TTC7A: variants seen among roughly 807,000 people sequenced by gnomAD.
The protein encoded by TTC7A is tetratricopeptide repeat protein 7A.
In TTC7A, 110 loss-of-function variants were observed where a neutral mutation model predicts 103.7. The observed-to-expected ratio is 1.06, with a 90% CI of 0.91 to 1.24. The LOEUF (loss-of-function observed/expected upper bound fraction) is 1.24, where lower values mean the gene tolerates loss of function less well. Ranked by LOEUF, TTC7A falls within the 50% of genes most tolerant of loss-of-function variation. The probability of loss-of-function intolerance (pLI) is 0.00; values close to 1 mark genes in which losing one functional copy is unlikely to be tolerated. For synonymous variants in TTC7A, 521 were observed against 467.9 expected, an observed-to-expected ratio of 1.11 and a Z score of -1.47; for missense variants, 1,340 against 1,116.3, an observed-to-expected ratio of 1.20 and a Z score of -2.86.
chr2:47,042,356 C>G (rs1473533666), intron 15 of TTC7A, among the ~76,000 whole-genome samples: 1 of 151,992 alleles, frequency 6.6e-6, no homozygotes, highest in African/African-American at 2.4e-5. Flanking sequence ...AAAAAACTAG[C>G]TGGGTGTGGT....
chr2:47,011,442 G>C lies in TTC7A; in HGVS notation c.1392+7G>C, dbSNP rs763784824. On this transcript the variant is annotated splice_region_variant and intron_variant, in intron 11 of 19. Coordinates refer to ENST00000319190, the MANE Select transcript of TTC7A (RefSeq NM_020458.4). ...CATCGGGTCCCTTCGCTGGGTGAGT[G>C]AGCTGTGAGGGCAGGTCCCAGAGGC... The C allele has an allele frequency of 6.2e-7, 1 of 1,600,812 alleles. No homozygotes were observed. The highest frequency in any genetic ancestry group is 1.7e-5 in the Admixed American group (1 of 59,662).
intron 6 of TTC7A, 51 bp downstream of exon 6, chr2:46,993,579 G>A: frequency 6.4e-7 from 1 of 1,566,490 alleles, no homozygotes. Flanking sequence ...AGCTTTGGTG[G>A]GAGACAACAG....
At chr2:47,038,219 A>G (rs1406801852) in intron 15 of TTC7A, among the ~76,000 whole-genome samples, 5 of 151,508 alleles carry the variant, frequency 3.3e-5, no homozygotes, top group South Asian at 4.2e-4. Context: ...AGATCACGCC[A>G]CTGCACTCCA....
At chr2:46,954,653 C>T (rs901546995) in intron 2 of TTC7A, among the ~76,000 whole-genome samples, 3 of 149,442 alleles carry the variant, frequency 2.0e-5, no homozygotes, top group Non-Finnish European at 4.4e-5. Flanking sequence ...CTCACTGCAA[C>T]CTCCGCCTCC....
At chr2:47,023,530 C>T (rs1572940718) in intron 13 of TTC7A, 65 bp downstream of exon 13, 17 of 1,508,082 alleles carry the variant, frequency 1.1e-5, no homozygotes, top group East Asian at 4.5e-5. Flanking sequence ...ACAAGCTTTA[C>T]GTCATCAGAC....
intron 18 of TTC7A, among the ~76,000 whole-genome samples, chr2:47,058,606 A>G (rs140124305): frequency 4.5e-4 from 68 of 152,350 alleles, no homozygotes; most frequent in African/African-American, 1.4e-3. Context: ...CAAAACCACA[A>G]GTCAGACTCT....
At chr2:47,037,140 C>G (rs763334007) in intron 15 of TTC7A, among the ~76,000 whole-genome samples, 1 of 152,196 alleles carries the variant, frequency 6.6e-6, no homozygotes, top group Admixed American at 6.5e-5. Context: ...ACTTTGTCCC[C>G]GGAGCCCCTG....
At chr2:47,011,736 A>G (rs1050674336) in intron 11 of TTC7A, among the ~76,000 whole-genome samples, 3 of 152,230 alleles carry the variant, frequency 2.0e-5, no homozygotes, top group Non-Finnish European at 4.4e-5. Flanking sequence ...AGTAGTAGGT[A>G]AGACCTTGAG....
chr2:47,072,943 C>CTCTA (rs1372921465), intron 19 of TTC7A, among the ~76,000 whole-genome samples: 1 of 152,174 alleles, frequency 6.6e-6, no homozygotes, highest in South Asian at 2.1e-4. Flanking sequence ...CTGTTAGTTC[C>CTCTA]TCTATCTCTT....
At position 47,075,009 on chromosome 2, in the gene TTC7A, T is replaced by A. The variant is rs1050232044; in HGVS notation, c.*1086T>A. ...AGGGGATCCTTTTGTATCTGCACTT[T>A]GGGTTTTAGTTTCAAAGCTCCATCA... On this transcript the variant is annotated 3_prime_UTR_variant, in exon 20 of 20. Transcript: ENST00000319190. 6.6e-6 allele frequency: 1 copy of A among 152,248 alleles called. No homozygotes were observed. Among genetic ancestry groups the A allele is most frequent in the East Asian group, 1.9e-4 (1 of 5,200 alleles). 9.4% of individuals were successfully genotyped at this position (152,248 alleles called of 1,614,324 possible). A position where few individuals can be genotyped will look rare whatever the true frequency, so the allele number is the denominator to read the frequency against.
At chr2:46,921,350 A>G (rs1047303443) in intron 2 of TTC7A, among the ~76,000 whole-genome samples, 3 of 152,234 alleles carry the variant, frequency 2.0e-5, no homozygotes, top group Non-Finnish European at 4.4e-5. Flanking sequence ...TGGTATGTCT[A>G]TATATGAGCA....
chr2:47,036,305 G>A (rs1193024739), intron 15 of TTC7A, among the ~76,000 whole-genome samples: 1 of 152,210 alleles, frequency 6.6e-6, no homozygotes, highest in Non-Finnish European at 1.5e-5. Flanking sequence ...GGAAACCAAA[G>A]CTTTCAGGCT....
At chr2:46,994,012 T>C (rs1675895634) in intron 6 of TTC7A, among the ~76,000 whole-genome samples, 2 of 152,156 alleles carry the variant, frequency 1.3e-5, no homozygotes. Flanking sequence ...CCCATGCCTG[T>C]GGCATTATGC....
upstream of TTC7A, among the ~76,000 whole-genome samples, chr2:46,940,925 T>C (rs1670277092): frequency 6.6e-6 from 1 of 151,924 alleles, no homozygotes; most frequent in Non-Finnish European, 1.5e-5. This position sits in a 1 kb window ranked among gnomAD's most constrained non-coding sequence, Gnocchi z 4.7. Flanking sequence ...AGCCAGGTCG[T>C]CGGGCAGTGG....
intron 5 of TTC7A, among the ~76,000 whole-genome samples, chr2:46,989,812 G>T (rs1675426338): frequency 1.1e-5 from 1 of 93,116 alleles, no homozygotes; most frequent in African/African-American, 4.5e-5. Context: ...GTGTGTGTGT[G>T]TGTGCATCTG....
chr2:47,049,833 G>C, intron 16 of TTC7A, 116 bp from the exon 17 acceptor site: 1 of 743,620 alleles, frequency 1.3e-6, no homozygotes, highest in South Asian at 1.6e-5. Flanking sequence ...AGCCTGCCTG[G>C]AGTGAGGCTG....
chr2:46,931,475 G>A (rs555850072), intron 2 of TTC7A, among the ~76,000 whole-genome samples: 11 of 152,266 alleles, frequency 7.2e-5, no homozygotes, highest in South Asian at 6.2e-4. Flanking sequence ...TGATCTCCAT[G>A]AGCCCAATAT....
Position 46,941,833 on chromosome 2 carries a change from C to T in TTC7A, c.184+108C>T. The T allele has an allele frequency of 7.1e-7, 1 of 1,403,542 alleles. No homozygotes were observed. The highest frequency in any genetic ancestry group is 1.4e-5 in the African/African-American group (1 of 69,926). The allele number at this position is 1,403,542 out of a possible 1,614,324, so 86.9% of individuals were successfully genotyped here. On this transcript the variant is annotated intron_variant, in intron 1 of 19. Coordinates refer to ENST00000319190, the MANE Select transcript of TTC7A (RefSeq NM_020458.4). The surrounding 1 kb of genome is among the most constrained non-coding windows in gnomAD (Gnocchi z 4.2). ...TCGGCCGACAGCGGGCGCCTGCCAG[C>T]CCACCGTGCTAGTCTTAAGAGCAGC...
upstream of TTC7A, among the ~76,000 whole-genome samples, chr2:46,936,958 G>A (rs1558483843): frequency 6.6e-6 from 1 of 151,274 alleles, no homozygotes; most frequent in Non-Finnish European, 1.5e-5. Flanking sequence ...GGGCTCAAGC[G>A]ATCCTCCCAC....
Sources: gnomAD v4.1 joint callset for allele counts (sites outside exome capture counted in the v4.1 genomes callset) on GRCh38, gnomAD v4.1.1 for gene constraint, Gnocchi (gnomAD v3.1) non-coding constraint, MANE v1.5 for transcripts, NCBI Gene and HGNC (gene_info 2026-07-23, HGNC 2026-07-21) for gene names.